The following HNRNPUL1 variants were observed in gnomAD, a reference collection of about 807,000 sequenced individuals.
HNRNPUL1 encodes the protein heterogeneous nuclear ribonucleoprotein U like 1.
A neutral mutation model predicts 108.5 loss-of-function variants in HNRNPUL1; 14 were observed. The ratio of observed to expected loss-of-function variants is 0.13; its 90% CI spans 0.09 to 0.20. The LOEUF is 0.20. HNRNPUL1 is among the 10% of genes least tolerant of loss of function. HNRNPUL1 has a pLI of 1.00. For missense variants in HNRNPUL1, 804 were observed against 1,168.3 expected (o/e 0.69, Z 4.55); for synonymous variants, 422 against 445.2 (o/e 0.95, Z 0.66).
chr19:41,263,957 AAGGGGCGGG>A (rs1431731137), upstream of HNRNPUL1, among the ~76,000 whole-genome samples: 1 of 152,186 alleles, frequency 6.6e-6, no homozygotes, highest in African/African-American at 2.4e-5. Context: ...CGGACTCCTC[AAGGGGCGGG>A]AGATGTACAC....
At chr19:41,297,573 A>G (rs1030716325) in intron 10 of HNRNPUL1, among the ~76,000 whole-genome samples, 2 of 152,184 alleles carry the variant, frequency 1.3e-5, no homozygotes, top group African/African-American at 4.8e-5. Flanking sequence ...AATGGAGTAC[A>G]GAACAGGAAC....
intron 1 of HNRNPUL1, among the ~76,000 whole-genome samples, chr19:41,267,713 A>G (rs1366124362): frequency 6.6e-6 from 1 of 152,206 alleles, no homozygotes; most frequent in East Asian, 1.9e-4. Flanking sequence ...GCCCTAACTG[A>G]GAGCTAGCCC....
At chr19:41,269,834 C>T (rs1004335546) in intron 2 of HNRNPUL1, among the ~76,000 whole-genome samples, 9 of 152,162 alleles carry the variant, frequency 5.9e-5, no homozygotes, top group Admixed American at 5.9e-4. Context: ...ATGGCTGTTA[C>T]ATGCCTGTAA....
In HNRNPUL1 at chr19:41,264,405, C is replaced by A; in HGVS notation, c.-99C>A. On this transcript the variant is annotated 5_prime_UTR_variant, in exon 1 of 15. Coordinates refer to ENST00000392006, the MANE Select transcript of HNRNPUL1 (RefSeq NM_007040.6). The stretch of plus-strand genomic sequence containing the variant: ...CCGCTGCCGCCATTGGAGTGGGCCC[C>A]CCCCCTTTCCCCCTTCGCCTCCTGA... 1 of 1,061,444 alleles carries A rather than the reference C, an allele frequency of 9.4e-7. No homozygotes were observed. Among genetic ancestry groups the A allele is most frequent in the Non-Finnish European group, 1.2e-6 (1 of 816,234 alleles). 65.8% of individuals were successfully genotyped at this position (1,061,444 alleles called of 1,614,324 possible).
chr19:41,288,453 A>G (rs1191040577), intron 7 of HNRNPUL1, among the ~76,000 whole-genome samples: 1 of 152,048 alleles, frequency 6.6e-6, no homozygotes, highest in East Asian at 1.9e-4. Flanking sequence ...CATGTTGGTC[A>G]GGCTGGTCTC....
Position 41,292,814 on chromosome 19 carries a change from G to A in HNRNPUL1, c.1266+303G>A, listed in dbSNP as rs1290389230. On this transcript the variant is annotated intron_variant, in intron 8 of 14. Transcript: ENST00000392006. The surrounding 1 kb of genome is among the most constrained non-coding windows in gnomAD (Gnocchi z 4.1). The stretch of plus-strand genomic sequence containing the variant: ...CTTACAGCAGAAAAGGACACTAGGC[G>A]CTTCTTGGGGAGTGCACTGTGCCAC... 2.6e-5 allele frequency among the ~76,000 whole-genome samples: 4 copies of A among 152,108 alleles called. No homozygotes were observed. Among genetic ancestry groups the A allele is most frequent in the Admixed American group, 2.6e-4 (4 of 15,274 alleles).
Position 41,306,521 on chromosome 19 carries a change from G to A in HNRNPUL1, c.2527G>A (p.Gly843Arg). The A allele has an allele frequency of 6.2e-7, 1 of 1,606,188 alleles. No homozygotes were observed. The highest frequency in any genetic ancestry group is 1.1e-5 in the South Asian group (1 of 90,118). Residue 843 changes from glycine to arginine, a missense_variant, in exon 15 of 15, where the codon GGG (glycine) becomes AGG (arginine). Physicochemically the swap from Gly to Arg is moderately radical, Grantham distance 125. Coordinates refer to ENST00000392006, the MANE Select transcript of HNRNPUL1 (RefSeq NM_007040.6). ...GCCATACTACGGGAACTACGACTAC[G>A]GGAGCTACTCCGGGAACACACAGGG... ...WPPYYGNYDY[G>R]SYSGNTQGGT... is the part of the protein sequence containing the mutation.
At chr19:41,275,962 G>C (rs2035529261) in intron 4 of HNRNPUL1, among the ~76,000 whole-genome samples, 197 bp from the exon 5 acceptor site, 1 of 152,106 alleles carries the variant, frequency 6.6e-6, no homozygotes, top group Admixed American at 6.5e-5. Flanking sequence ...AATTAGTCAG[G>C]TGTGGTGGTG....
intron 2 of HNRNPUL1, 108 bp from the exon 3 acceptor site, chr19:41,271,974 C>A: frequency 7.8e-7 from 1 of 1,274,682 alleles, no homozygotes; most frequent in Non-Finnish European, 1.1e-6. Context: ...AGCCCTTCAT[C>A]ACTGTAGTGA....
chr19:41,264,772 G>A lies in HNRNPUL1; in HGVS notation c.269G>A (p.Gly90Asp). 36 of 1,374,890 alleles carry A rather than the reference G, an allele frequency of 2.6e-5. No homozygotes were observed. The highest frequency in any genetic ancestry group is 3.3e-5 in the Non-Finnish European group (35 of 1,068,690). 85.2% of individuals were successfully genotyped at this position (1,374,890 alleles called of 1,614,324 possible). A position where few individuals can be genotyped will look rare whatever the true frequency, so the allele number is the denominator to read the frequency against. ...PPGLQPHAEP[G>D]GYSGPDGHYA... ...GGGCTGCAGCCGCACGCGGAGCCCG[G>A]CGGCTACTCGGGGCCGGACGGACAT... The change falls in exon 1 of 15, where the codon GGC becomes GAC. Residue 90 changes from glycine to aspartate, a missense_variant. Physicochemically the swap from Gly to Asp is moderately conservative, Grantham distance 94 (BLOSUM62 -1). Transcript: ENST00000392006.
At chr19:41,303,665 C>G (rs891724356) in intron 12 of HNRNPUL1, among the ~76,000 whole-genome samples, 1 of 152,100 alleles carries the variant, frequency 6.6e-6, no homozygotes, top group Non-Finnish European at 1.5e-5. Context: ...GCTTCCTCTC[C>G]TTGAGCATCT....
At chr19:41,267,373 G>A (rs1484875178) in intron 1 of HNRNPUL1, among the ~76,000 whole-genome samples, 2 of 152,144 alleles carry the variant, frequency 1.3e-5, no homozygotes, top group Non-Finnish European at 2.9e-5. Flanking sequence ...CATTGTGCTT[G>A]GAGCCTGGAA....
At chr19:41,299,623 C>T (rs2037087711) in intron 10 of HNRNPUL1, among the ~76,000 whole-genome samples, 2 of 152,116 alleles carry the variant, frequency 1.3e-5, no homozygotes, top group African/African-American at 4.8e-5. Flanking sequence ...CTCTCCAGAG[C>T]CAGGACGAGG....
At chr19:41,301,784 C>G in intron 11 of HNRNPUL1, 80 bp downstream of exon 11, 3 of 1,289,324 alleles carry the variant, frequency 2.3e-6, no homozygotes, top group Non-Finnish European at 3.2e-6. Flanking sequence ...TTGTCCTTCC[C>G]TGGCTCCCCA....
At chr19:41,265,343 G>T (rs935210148) in intron 1 of HNRNPUL1, 36 of 1,507,942 alleles carry the variant, frequency 2.4e-5, no homozygotes, top group Non-Finnish European at 2.9e-5. Flanking sequence ...CTCCTATTTG[G>T]GTACGGGGGT....
rs144715337 is a variant in HNRNPUL1 at position 41,268,300 on chromosome 19, G to A, written c.373G>A (p.Glu125Lys). 9.9e-5 allele frequency: 159 copies of A among 1,614,036 alleles called. 2 individuals are homozygous for A. The highest frequency in any genetic ancestry group is 8.2e-4 in the Middle Eastern group (5 of 6,062). Reference sequence around the variant, plus strand: ...CAAACAAGAAAACGAGTCAGGCTACGAGAGGAGACCACTGGAAATGGAGCA... The same window carrying A: ...CAAACAAGAAAACGAGTCAGGCTACAAGAGGAGACCACTGGAAATGGAGCA... The part of the protein sequence containing the change: ...VIKQENESGY[E>K]RRPLEMEQQQ... The change falls in exon 2 of 15, where the codon GAG becomes AAG. Residue 125 changes from glutamate (E) to lysine (K), a missense_variant. Coordinates refer to ENST00000392006, the MANE Select transcript of HNRNPUL1 (RefSeq NM_007040.6).
intron 2 of HNRNPUL1, among the ~76,000 whole-genome samples, chr19:41,271,583 A>T (rs944118411): frequency 3.3e-5 from 5 of 152,180 alleles, no homozygotes; most frequent in African/African-American, 1.2e-4. Context: ...TTAGGCACTG[A>T]TTCCTGGAGT....
At position 41,292,666 on chromosome 19, in the gene HNRNPUL1, G is replaced by A. The variant is rs376013241; in HGVS notation, c.1266+155G>A. 8.5e-5 allele frequency among the ~76,000 whole-genome samples: 13 copies of A among 152,270 alleles called. 1 individual carries two copies. Among genetic ancestry groups the A allele is most frequent in the African/African-American group, 2.9e-4 (12 of 41,556 alleles). On this transcript the variant is annotated intron_variant, in intron 8 of 14. Transcript: ENST00000392006. This position sits in a 1 kb window ranked among gnomAD's most constrained non-coding sequence, Gnocchi z 4.1. ...GGGTTGGACTCAGAGCTGAAAAGCT[G>A]CTCTGAGTGTGAGGTGAGGGGTGTT...
At chr19:41,286,899 G>A (rs1186197047) in intron 7 of HNRNPUL1, among the ~76,000 whole-genome samples, 2 of 151,650 alleles carry the variant, frequency 1.3e-5, no homozygotes, top group South Asian at 2.1e-4. Context: ...GTATTTTTTA[G>A]TAGAGACGGG....
Sources: allele counts gnomAD v4.1 joint callset (sites outside exome capture counted in the v4.1 genomes callset), GRCh38; gene constraint gnomAD v4.1.1; non-coding constraint Gnocchi (gnomAD v3.1); transcripts MANE v1.5; gene names NCBI Gene and HGNC (gene_info 2026-07-23, HGNC 2026-07-21).